AFF2: variants seen among roughly 807,000 people sequenced by gnomAD.
AFF2 encodes AF4/FMR2 family member 2.
In AFF2, 14 loss-of-function variants were observed where a neutral mutation model predicts 76.9. The observed-to-expected ratio is 0.18, with a 90% CI of 0.12 to 0.28. The LOEUF (loss-of-function observed/expected upper bound fraction) is 0.28. Ranked by LOEUF, AFF2 falls within the 10% of genes least tolerant of loss-of-function variation. AFF2 has a pLI of 1.00. For synonymous variants in AFF2, 398 were observed against 366.7 expected (o/e 1.09, Z -0.98); for missense variants, 868 against 1,001.1 (o/e 0.87, Z 1.79).
chrX:148,718,415 A>C (rs1399327741), intron 3 of AFF2, among the ~76,000 whole-genome samples: 1 of 111,067 alleles, frequency 9.0e-6, no homozygotes, highest in Non-Finnish European at 1.9e-5. Context: ...ACCTAGGACT[A>C]GAAGCGTGGA....
intron 3 of AFF2, among the ~76,000 whole-genome samples, chrX:148,717,158 C>G (rs1426079619): frequency 8.9e-6 from 1 of 111,786 alleles, no homozygotes; most frequent in Non-Finnish European, 1.9e-5. Context: ...GTGGAAACAT[C>G]TCAAATCTCC....
chrX:148,780,976 C>A (rs1603299690), intron 3 of AFF2, among the ~76,000 whole-genome samples: 2 of 112,077 alleles, frequency 1.8e-5, no homozygotes, highest in Middle Eastern at 9.2e-3. Context: ...CTATTGCTTT[C>A]TGTTTGTTAG....
intron 11 of AFF2, 88 bp from the exon 12 acceptor site, chrX:148,958,249 G>A: frequency 9.0e-7 from 1 of 1,108,941 alleles, no homozygotes; most frequent in African/African-American, 1.8e-5. Flanking sequence ...AGCAAACTAT[G>A]TATCTTGCTC....
At chrX:148,898,142 T>A (rs1381265382) in intron 8 of AFF2, among the ~76,000 whole-genome samples, 1 of 112,294 alleles carries the variant, frequency 8.9e-6, no homozygotes, top group Non-Finnish European at 1.9e-5. Context: ...GTGCAGGCAC[T>A]TCTGAATGCT....
chrX:148,533,205 C>T (rs1355984256), intron 1 of AFF2, among the ~76,000 whole-genome samples: 1 of 111,885 alleles, frequency 8.9e-6, no homozygotes, highest in East Asian at 2.8e-4. Context: ...TGTGTTAAAG[C>T]GTGCATAAAT....
intron 7 of AFF2, among the ~76,000 whole-genome samples, chrX:148,845,336 C>T (rs2070653997): frequency 8.9e-6 from 1 of 112,060 alleles, no homozygotes; most frequent in Admixed American, 9.5e-5. Flanking sequence ...GAAATAAACT[C>T]GTCAATTGTG....
At chrX:148,581,654 A>G (rs1557245092) in intron 1 of AFF2, among the ~76,000 whole-genome samples, 1 of 111,662 alleles carries the variant, frequency 9.0e-6, no homozygotes, top group Non-Finnish European at 1.9e-5. Context: ...ATATATACAT[A>G]TACGTATACG....
chrX:148,944,842 T>G (rs1360728076), intron 9 of AFF2, among the ~76,000 whole-genome samples: 1 of 110,913 alleles, frequency 9.0e-6, no homozygotes, highest in Non-Finnish European at 1.9e-5. Flanking sequence ...TTTTTTTCAT[T>G]CCTTTGAAAT....
At chrX:148,685,556 A>G (rs2054592303) in intron 3 of AFF2, among the ~76,000 whole-genome samples, 1 of 111,892 alleles carries the variant, frequency 8.9e-6, no homozygotes, top group Non-Finnish European at 1.9e-5. Context: ...ACTAAATGAC[A>G]TTCCCAAATT....
At chrX:148,577,116 T>C (rs1204271896) in intron 1 of AFF2, among the ~76,000 whole-genome samples, 1 of 112,148 alleles carries the variant, frequency 8.9e-6, no homozygotes, top group East Asian at 2.8e-4. Flanking sequence ...TCTGATGTTA[T>C]TAGGTTGTAA....
At chrX:148,825,457 A>G (rs1352058342) in intron 4 of AFF2, among the ~76,000 whole-genome samples, 1 of 111,883 alleles carries the variant, frequency 8.9e-6, no homozygotes, top group East Asian at 2.8e-4. Context: ...AAATATTTTC[A>G]AAGGGTCACT....
At chrX:148,913,477 ACGTTAGTTGC>A (rs1159205638) in intron 9 of AFF2, among the ~76,000 whole-genome samples, 2 of 111,958 alleles carry the variant, frequency 1.8e-5, no homozygotes, top group Non-Finnish European at 3.8e-5. Context: ...AACTTCAAAC[ACGTTAGTTGC>A]CAAATTACCA....
At chrX:148,935,253 G>T (rs1674961940) in intron 9 of AFF2, among the ~76,000 whole-genome samples, 1 of 109,318 alleles carries the variant, frequency 9.1e-6, no homozygotes, top group Non-Finnish European at 1.9e-5. Flanking sequence ...TAATAACTTT[G>T]TTAGGTCTTA....
chrX:148,921,518 T>C (rs1557283208), intron 9 of AFF2, among the ~76,000 whole-genome samples: 1 of 112,414 alleles, frequency 8.9e-6, no homozygotes, highest in Non-Finnish European at 1.9e-5. Context: ...TGTAACCTTT[T>C]GTGTCTGTTT....
intron 8 of AFF2, among the ~76,000 whole-genome samples, chrX:148,891,832 G>A (rs2071227461): frequency 9.0e-6 from 1 of 111,356 alleles, no homozygotes; most frequent in Non-Finnish European, 1.9e-5. Flanking sequence ...AAAAGAGATG[G>A]GTCTTGTTAG....
At chrX:148,556,028 T>G (rs1403724159) in intron 1 of AFF2, among the ~76,000 whole-genome samples, 1 of 111,651 alleles carries the variant, frequency 9.0e-6, no homozygotes, top group East Asian at 2.8e-4. Context: ...AAACTGTAGG[T>G]GTGTGTGTAG....
intron 1 of AFF2, among the ~76,000 whole-genome samples, chrX:148,527,796 C>A (rs1220034464): frequency 1.1e-4 from 12 of 111,919 alleles, no homozygotes; most frequent in Non-Finnish European, 2.3e-4. Context: ...TTTCCTGGAC[C>A]AGTAATTGGG....
At chrX:148,692,046 C>A (rs868922237) in intron 3 of AFF2, among the ~76,000 whole-genome samples, 1 of 102,023 alleles carries the variant, frequency 9.8e-6, no homozygotes, top group African/African-American at 3.6e-5. Context: ...CAAAAATGTT[C>A]TTTTTTTTTT....
At chrX:148,681,274 C>G (rs781965967) in intron 3 of AFF2, among the ~76,000 whole-genome samples, 1 of 111,623 alleles carries the variant, frequency 9.0e-6, no homozygotes, top group African/African-American at 3.3e-5. Flanking sequence ...TTTCACAATA[C>G]CTTGGGGCTG....
Sources: gnomAD v4.1 joint callset for allele counts (sites outside exome capture counted in the v4.1 genomes callset) on GRCh38, gnomAD v4.1.1 for gene constraint, MANE v1.5 for transcripts, NCBI Gene and HGNC (gene_info 2026-07-23, HGNC 2026-07-21) for gene names.